Variants in GLRB observed in about 807,000 individuals in gnomAD.
GLRB encodes glycine receptor subunit beta.
In GLRB, 33 loss-of-function variants were observed where a neutral mutation model predicts 54.2. The ratio of observed to expected loss-of-function variants is 0.61; its 90% CI spans 0.46 to 0.81. The LOEUF (loss-of-function observed/expected upper bound fraction) is 0.81. Ranked by LOEUF, GLRB falls within the 40% of genes least tolerant of loss-of-function variation. The pLI is 0.00. For missense variants in GLRB, 572 were observed against 584.6 expected (o/e 0.98, Z 0.22); for synonymous variants, 209 against 208.2 (o/e 1.00, Z -0.03).
intron 4 of GLRB, among the ~76,000 whole-genome samples, chr4:157,129,989 G>T (rs1286130256): frequency 6.6e-6 from 1 of 151,422 alleles, no homozygotes; most frequent in Non-Finnish European, 1.5e-5. Context: ...GCATTAAAAA[G>T]GAATAACAAC....
At chr4:157,146,276 A>G (rs1736805435) in intron 8 of GLRB, among the ~76,000 whole-genome samples, 1 of 151,952 alleles carries the variant, frequency 6.6e-6, no homozygotes, top group Non-Finnish European at 1.5e-5. Flanking sequence ...CGACCTCCCA[A>G]AGTGCTGGGA....
At chr4:157,144,001 A>T in intron 8 of GLRB, 42 bp downstream of exon 8, 1 of 1,576,174 alleles carries the variant, frequency 6.3e-7, no homozygotes, top group Non-Finnish European at 8.7e-7. Flanking sequence ...GGAACAGATT[A>T]TATCTTTATC....
intron 9 of GLRB, among the ~76,000 whole-genome samples, chr4:157,153,913 C>T (rs1224474744): frequency 6.6e-6 from 1 of 152,234 alleles, no homozygotes. Flanking sequence ...AGTCCCCTCA[C>T]CTAGAATGCT....
Position 157,136,660 on chromosome 4 carries a change from C to G in GLRB, c.489C>G (p.Leu163=), listed in dbSNP as rs780650824. Residue 163 remains leucine (L), a synonymous_variant, in exon 5 of 10, where the codon CTC becomes CTG. Coordinates refer to ENST00000264428, the MANE Select transcript of GLRB (RefSeq NM_000824.5). Reference sequence around the variant, plus strand: ...ATGTGACCCAGGAAAACATCCTCCTCTTTATTTTTCGTGATGGAGATGTCC... The same window carrying G: ...ATGTGACCCAGGAAAACATCCTCCTGTTTATTTTTCGTGATGGAGATGTCC... The part of the protein sequence containing the change: ...FHDVTQENIL[L]FIFRDGDVLV... The G allele has an allele frequency of 1.9e-6, 3 of 1,612,054 alleles. No individual in the cohort carries two copies. The East Asian group carries it at 6.7e-5, about 36-fold the overall frequency.
chr4:157,092,758 T>C (rs1416641506), intron 2 of GLRB, among the ~76,000 whole-genome samples: 1 of 152,138 alleles, frequency 6.6e-6, no homozygotes, highest in Non-Finnish European at 1.5e-5. Context: ...ATAAAGAACG[T>C]AGGATGTGGA....
At chr4:157,121,062 G>T (rs190935310) in intron 3 of GLRB, among the ~76,000 whole-genome samples, 82 of 151,714 alleles carry the variant, frequency 5.4e-4, no homozygotes, top group African/African-American at 1.9e-3. Context: ...TTTAGGGAAA[G>T]AGAACAGTTC....
chr4:157,169,729 G>T (rs72980564), intron 9 of GLRB, among the ~76,000 whole-genome samples: 2,695 of 152,112 alleles, frequency 0.018, 43 homozygotes, highest in African/African-American at 0.038. Context: ...ATATATTATA[G>T]GGAATTTATT....
Position 157,143,707 on chromosome 4 carries a change from C to T in GLRB, c.752-100C>T, listed in dbSNP as rs1736699062. The T allele has an allele frequency of 3.4e-6, 4 of 1,167,050 alleles. No individual in the cohort carries two copies. The East Asian group carries it at 1.0e-4, about 30-fold the overall frequency. The allele number at this position is 1,167,050 out of a possible 1,614,324, so 72.3% of individuals were successfully genotyped here. A position where few individuals can be genotyped will look rare whatever the true frequency, so the allele number is the denominator to read the frequency against. ...TTGAGGCATTTCCTCTGTGAAATTG[C>T]CTCAGATGGAAGTGACTTACCGTTT... On this transcript the variant is annotated intron_variant, in intron 7 of 9. Transcript: ENST00000264428.
chr4:157,126,066 T>C (rs770010651), intron 4 of GLRB, among the ~76,000 whole-genome samples: 30 of 151,834 alleles, frequency 2.0e-4, no homozygotes, highest in Non-Finnish European at 2.2e-4. Context: ...GAGTCAGGTG[T>C]CAGAAAGATG....
intron 9 of GLRB, among the ~76,000 whole-genome samples, chr4:157,159,133 T>G (rs573042003): frequency 3.3e-5 from 5 of 152,160 alleles, no homozygotes; most frequent in Middle Eastern, 3.4e-3. Flanking sequence ...CTCTCTGTTT[T>G]TCTGTTATTG....
chr4:157,161,456 C>T (rs1240399898), intron 9 of GLRB, among the ~76,000 whole-genome samples: 2 of 152,174 alleles, frequency 1.3e-5, no homozygotes, highest in Non-Finnish European at 2.9e-5. Flanking sequence ...CATGTTTTTG[C>T]AGTGGCTGGT....
At chr4:157,120,421 T>TA (rs924892850) in intron 2 of GLRB, 135 bp from the exon 3 acceptor site, 16 of 272,578 alleles carry the variant, frequency 5.9e-5, no homozygotes, top group South Asian at 2.4e-4. Flanking sequence ...ATAAAATAAA[T>TA]AAAAAAAAGA....
intron 2 of GLRB, among the ~76,000 whole-genome samples, chr4:157,082,402 AT>A (rs1734255317): frequency 6.6e-6 from 1 of 152,178 alleles, no homozygotes; most frequent in African/African-American, 2.4e-5. Flanking sequence ...CAGTGTCTTC[AT>A]TACCTTAATC....
intron 2 of GLRB, among the ~76,000 whole-genome samples, chr4:157,109,861 C>A (rs75706189): frequency 0.031 from 4,666 of 152,074 alleles, 118 homozygotes; most frequent in African/African-American, 0.068. Context: ...GGAGAATATG[C>A]ACAGAACGAG....
Position 157,136,710 on chromosome 4 carries a change from T to TGG in GLRB, c.527+12_527+13insGG. The TGG allele has an allele frequency of 6.5e-7, 1 of 1,538,776 alleles. No homozygotes were observed. Among genetic ancestry groups the TGG allele is most frequent in the Non-Finnish European group, 9.0e-7 (1 of 1,111,590 alleles). On this transcript the variant is annotated intron_variant, in intron 5 of 9. Coordinates refer to ENST00000264428, the MANE Select transcript of GLRB (RefSeq NM_000824.5). ...CTTGTCAGCATGAGGTACTCTTTTA[T>TGG]ATTTCATATTTGTGCATTTATATTT... is the stretch of plus-strand genomic sequence containing the variant.
intron 2 of GLRB, among the ~76,000 whole-genome samples, chr4:157,101,486 C>T (rs1392530281): frequency 5.3e-5 from 8 of 152,028 alleles, no homozygotes; most frequent in South Asian, 2.1e-4. Context: ...CTAACAGACA[C>T]GCAATCTCCC....
chr4:157,149,336 A>G, intron 8 of GLRB, among the ~76,000 whole-genome samples: 1 of 152,082 alleles, frequency 6.6e-6, no homozygotes, highest in East Asian at 1.9e-4. Context: ...TTCCCTGGAG[A>G]ATTTTAGGTA....
At chr4:157,136,995 A>G in intron 6 of GLRB, 109 bp downstream of exon 6, 2 of 692,760 alleles carry the variant, frequency 2.9e-6, no homozygotes, top group South Asian at 3.3e-5. Context: ...TGCTTTGATT[A>G]TAAATAGTCA....
At chr4:157,104,051 CT>C (rs1735134526) in intron 2 of GLRB, among the ~76,000 whole-genome samples, 1 of 151,806 alleles carries the variant, frequency 6.6e-6, no homozygotes, top group African/African-American at 2.4e-5. Context: ...TCTTCCTTTT[CT>C]TTTTCTTATC....
Sources: allele counts gnomAD v4.1 joint callset (sites outside exome capture counted in the v4.1 genomes callset), GRCh38; gene constraint gnomAD v4.1.1; transcripts MANE v1.5; gene names NCBI Gene and HGNC (gene_info 2026-07-23, HGNC 2026-07-21).